PLCB4: variants seen among roughly 807,000 people sequenced by gnomAD.
The protein encoded by PLCB4 is 1-phosphatidylinositol 4,5-bisphosphate phosphodiesterase beta-4.
A neutral mutation model predicts 178.8 loss-of-function variants in PLCB4; 77 were observed. That is an observed-to-expected ratio of 0.43 (90% CI 0.36 to 0.52). The LOEUF (loss-of-function observed/expected upper bound fraction) is 0.52. PLCB4 is among the 20% of genes least tolerant of loss of function. The pLI is 0.00. For missense variants in PLCB4, 1,024 were observed against 1,453.4 expected (o/e 0.70, Z 4.80); for synonymous variants, 496 against 490.8 (o/e 1.01, Z -0.14).
intron 9 of PLCB4, among the ~76,000 whole-genome samples, chr20:9,369,955 G>A (rs1007194888): frequency 2.6e-5 from 4 of 152,172 alleles, no homozygotes; most frequent in Admixed American, 2.0e-4. Flanking sequence ...TCTGAATGTC[G>A]AGTTAAAATG....
At chr20:9,113,057 AT>A (rs2146701729) in intron 2 of PLCB4, among the ~76,000 whole-genome samples, 1 of 152,226 alleles carries the variant, frequency 6.6e-6, no homozygotes, top group South Asian at 2.1e-4. Flanking sequence ...AGGTGAAGGA[AT>A]GGCGGTCCTG....
intron 7 of PLCB4, among the ~76,000 whole-genome samples, chr20:9,357,377 A>T (rs572564860): frequency 2.0e-5 from 3 of 152,294 alleles, no homozygotes; most frequent in South Asian, 4.2e-4. Flanking sequence ...TGTTCAGCCC[A>T]GGTGGGGTGG....
intron 2 of PLCB4, among the ~76,000 whole-genome samples, chr20:9,199,307 T>G (rs1334581520): frequency 6.6e-6 from 1 of 152,138 alleles, no homozygotes; most frequent in Non-Finnish European, 1.5e-5. Context: ...GGAGGTGTGT[T>G]TTTCTTCCTA....
chr20:9,232,251 A>G (rs944474209), intron 3 of PLCB4, among the ~76,000 whole-genome samples: 1 of 152,144 alleles, frequency 6.6e-6, no homozygotes, highest in African/African-American at 2.4e-5. Context: ...GTTAGCATAG[A>G]TACATTTTAT....
intron 7 of PLCB4, among the ~76,000 whole-genome samples, chr20:9,341,750 TGGGGGTGGG>T (rs1323102265): frequency 2.1e-5 from 3 of 146,192 alleles, no homozygotes; most frequent in Non-Finnish European, 4.5e-5. Flanking sequence ...GTTTGAGGGT[TGGGGGTGGG>T]GGGATGTATA....
intron 7 of PLCB4, among the ~76,000 whole-genome samples, chr20:9,341,409 T>C (rs1016212899): frequency 2.6e-5 from 4 of 152,166 alleles, no homozygotes; most frequent in Non-Finnish European, 4.4e-5. Flanking sequence ...TTGTATGGTA[T>C]ATGTATTACC....
chr20:9,106,636 G>T (rs1046887722), intron 2 of PLCB4, among the ~76,000 whole-genome samples: 2 of 151,692 alleles, frequency 1.3e-5, no homozygotes, highest in African/African-American at 4.8e-5. Context: ...TCAATTTCTG[G>T]ACCTATCTCA....
intron 29 of PLCB4, 94 bp from the exon 30 acceptor site, chr20:9,436,898 AAGAGTATGGT>A (rs1470058572): frequency 5.7e-6 from 6 of 1,056,238 alleles, no homozygotes; most frequent in Non-Finnish European, 8.3e-6. Context: ...GAAGTCTAGG[AAGAGTATGGT>A]AGAAGTTTAC....
intron 1 of PLCB4, among the ~76,000 whole-genome samples, chr20:9,070,979 A>G (rs2089543665): frequency 6.6e-6 from 1 of 152,188 alleles, no homozygotes; most frequent in Admixed American, 6.5e-5. Context: ...GCAAATGCAT[A>G]CCCACGCAGA....
chr20:9,142,164 C>T (rs1158889114), intron 2 of PLCB4, among the ~76,000 whole-genome samples: 1 of 152,082 alleles, frequency 6.6e-6, no homozygotes, highest in Admixed American at 6.5e-5. Context: ...CCAGAGACAC[C>T]TCCTGGGAGA....
At chr20:9,103,278 A>G (rs2091244590) in intron 2 of PLCB4, among the ~76,000 whole-genome samples, 1 of 152,160 alleles carries the variant, frequency 6.6e-6, no homozygotes. Context: ...AGCTTATATC[A>G]TAACTATTTG....
intron 25 of PLCB4, among the ~76,000 whole-genome samples, chr20:9,412,539 ACTTTGTC>A (rs1279063608): frequency 6.6e-6 from 1 of 152,138 alleles, no homozygotes; most frequent in Non-Finnish European, 1.5e-5. Flanking sequence ...ACTGAAAAAG[ACTTTGTC>A]CTTTGACAAA....
At chr20:9,442,137 A>G (rs1329067503) in intron 30 of PLCB4, among the ~76,000 whole-genome samples, 5 of 152,206 alleles carry the variant, frequency 3.3e-5, no homozygotes, top group African/African-American at 7.2e-5. Context: ...AGTAGCCACT[A>G]ACCACATGGG....
chr20:9,408,661 T>A lies in PLCB4; in HGVS notation c.1818T>A (p.Ser606=). Residue 606 remains serine (S), a synonymous_variant, in exon 23 of 40, where the codon TCT becomes TCA. Coordinates refer to ENST00000378473, the MANE Select transcript of PLCB4 (RefSeq NM_001377142.1). The part of the protein sequence containing the change: ...EERNIHYNMS[S]FNESVGLGYL... ...GCAATATTCATTATAACATGTCTTC[T>A]TTTAATGAATCAGTCGGTCTTGGCT... is the stretch of plus-strand genomic sequence containing the variant. The A allele has an allele frequency of 3.2e-6, 5 of 1,587,180 alleles. No homozygotes were observed. Among genetic ancestry groups the A allele is most frequent in the Non-Finnish European group, 4.3e-6 (5 of 1,155,734 alleles).
At chr20:9,170,401 C>T (rs2093043937) in intron 2 of PLCB4, among the ~76,000 whole-genome samples, 1 of 152,108 alleles carries the variant, frequency 6.6e-6, no homozygotes, top group Non-Finnish European at 1.5e-5. Flanking sequence ...TTTCCAATGA[C>T]TTTATTGATT....
At chr20:9,206,299 C>CTTTTTTTTT (rs71184138) in intron 2 of PLCB4, among the ~76,000 whole-genome samples, 1 of 96,094 alleles carries the variant, frequency 1.0e-5, no homozygotes, top group African/African-American at 3.9e-5. Flanking sequence ...TTTCTTTTTT[C>CTTTTTTTTT]TTTTTTTTTT....
intron 3 of PLCB4, among the ~76,000 whole-genome samples, chr20:9,298,109 G>T (rs1282522342): frequency 6.6e-6 from 1 of 151,996 alleles, no homozygotes; most frequent in African/African-American, 2.4e-5. Context: ...TCATGTGACA[G>T]GTGTCCCACT....
chr20:9,403,990 A>G (rs2039239472), intron 20 of PLCB4, among the ~76,000 whole-genome samples: 1 of 152,216 alleles, frequency 6.6e-6, no homozygotes, highest in African/African-American at 2.4e-5. Flanking sequence ...ATGAATGACT[A>G]GAGACTATGC....
At chr20:9,162,829 A>C (rs1488525944) in intron 2 of PLCB4, among the ~76,000 whole-genome samples, 1 of 152,188 alleles carries the variant, frequency 6.6e-6, no homozygotes, top group Non-Finnish European at 1.5e-5. Flanking sequence ...TCTTGTTCTC[A>C]GTAAAAATGT....
Sources: allele counts gnomAD v4.1 joint callset (sites outside exome capture counted in the v4.1 genomes callset), GRCh38; gene constraint gnomAD v4.1.1; transcripts MANE v1.5; gene names NCBI Gene and HGNC (gene_info 2026-07-23, HGNC 2026-07-21).